PIK3C2G: variants seen among roughly 807,000 people sequenced by gnomAD.
PIK3C2G encodes the protein phosphatidylinositol 3-kinase C2 domain-containing subunit gamma.
Under a neutral mutation model 181.1 loss-of-function variants are expected in PIK3C2G, and 168 were observed. The ratio of observed to expected loss-of-function variants is 0.93; its 90% CI spans 0.82 to 1.05. The LOEUF is 1.05. Among genes scored for constraint, PIK3C2G ranks in the 50% least tolerant of loss-of-function variants. The pLI is 0.00. For synonymous variants in PIK3C2G, 573 were observed against 592.2 expected, an observed-to-expected ratio of 0.97 and a Z score of 0.47; for missense variants, 1,869 against 1,732.8, an observed-to-expected ratio of 1.08 and a Z score of -1.40.
intron 14 of PIK3C2G, among the ~76,000 whole-genome samples, chr12:18,386,004 C>T (rs1008856564): frequency 2.0e-5 from 3 of 152,110 alleles, no homozygotes; most frequent in African/African-American, 7.2e-5. Flanking sequence ...CTTCTTGGCA[C>T]TGTCTGTCTC....
intron 15 of PIK3C2G, among the ~76,000 whole-genome samples, chr12:18,392,781 A>T (rs1592142881): frequency 6.6e-6 from 1 of 152,232 alleles, no homozygotes; most frequent in East Asian, 1.9e-4. Flanking sequence ...TTATCACTAT[A>T]TTTCTAATGC....
chr12:18,717,648 C>A, the PIK3C2G span, among the ~76,000 whole-genome samples: 1 of 152,100 alleles, frequency 6.6e-6, no homozygotes, highest in Non-Finnish European at 1.5e-5. Context: ...GCCTCAAACC[C>A]TACAATGGGC....
At chr12:18,620,847 T>G (rs899826628) in intron 31 of PIK3C2G, among the ~76,000 whole-genome samples, 23 of 152,104 alleles carry the variant, frequency 1.5e-4, no homozygotes, top group African/African-American at 5.1e-4. Flanking sequence ...TATTGACACA[T>G]TCATTCTCAG....
chr12:18,273,109 C>T (rs1001522929), intron 1 of PIK3C2G, among the ~76,000 whole-genome samples: 5 of 151,880 alleles, frequency 3.3e-5, no homozygotes, highest in African/African-American at 1.2e-4. Context: ...TTTTAAAATC[C>T]AGCATTACAC....
At chr12:18,576,601 A>C (rs548947358) in intron 29 of PIK3C2G, among the ~76,000 whole-genome samples, 1 of 152,356 alleles carries the variant, frequency 6.6e-6, no homozygotes, top group Non-Finnish European at 1.5e-5. Flanking sequence ...AAACAATAGG[A>C]AAGCAAGATA....
At chr12:18,366,984 G>T (rs1246933411) in intron 12 of PIK3C2G, among the ~76,000 whole-genome samples, 1 of 152,112 alleles carries the variant, frequency 6.6e-6, no homozygotes, top group Non-Finnish European at 1.5e-5. Context: ...TGACAGAATG[G>T]AGATTGGCAG....
At chr12:18,484,028 G>A (rs1326515054) in intron 18 of PIK3C2G, among the ~76,000 whole-genome samples, 2 of 152,080 alleles carry the variant, frequency 1.3e-5, no homozygotes, top group African/African-American at 4.8e-5. Context: ...CAAACCGGAG[G>A]CCAAACCAAA....
intron 21 of PIK3C2G, among the ~76,000 whole-genome samples, chr12:18,497,010 C>T (rs964280810): frequency 6.6e-6 from 1 of 152,106 alleles, no homozygotes; most frequent in African/African-American, 2.4e-5. Flanking sequence ...ACTATCCTTC[C>T]CCTTTGGACA....
chr12:18,499,065 T>C (rs888229963), intron 22 of PIK3C2G, among the ~76,000 whole-genome samples: 2 of 152,210 alleles, frequency 1.3e-5, no homozygotes, highest in Non-Finnish European at 2.9e-5. Context: ...AATTTTTAAA[T>C]TTCATCTCAT....
At chr12:18,462,570 AGCATGGATGAC>A (rs1947976827) in intron 18 of PIK3C2G, among the ~76,000 whole-genome samples, 1 of 152,150 alleles carries the variant, frequency 6.6e-6, no homozygotes, top group Non-Finnish European at 1.5e-5. Context: ...TAACTCAAAA[AGCATGGATGAC>A]TCTGAAATCT....
At chr12:18,358,899 C>T (rs1940987416) in intron 11 of PIK3C2G, 1 of 168,564 alleles carries the variant, frequency 5.9e-6, no homozygotes, top group South Asian at 1.5e-4. Flanking sequence ...CTTCCTCATT[C>T]TATAAATGTT....
the PIK3C2G span, chr12:18,693,318 C>G: frequency 1.8e-5 from 28 of 1,545,912 alleles, no homozygotes; most frequent in South Asian, 3.0e-4. Flanking sequence ...AAAGGCCCCC[C>G]AAGAGACCTA....
intron 31 of PIK3C2G, among the ~76,000 whole-genome samples, chr12:18,628,203 G>A (rs1191550001): frequency 6.6e-6 from 1 of 152,038 alleles, no homozygotes; most frequent in Non-Finnish European, 1.5e-5. Context: ...TTTAAATATA[G>A]TAAATAGTCA....
At chr12:18,485,829 G>A (rs936105848) in intron 18 of PIK3C2G, among the ~76,000 whole-genome samples, 8 of 152,036 alleles carry the variant, frequency 5.3e-5, no homozygotes, top group South Asian at 2.1e-4. Flanking sequence ...CCCAGGTTAC[G>A]GCATCTTTTG....
chr12:18,596,469 C>T (rs1947368244), intron 30 of PIK3C2G, among the ~76,000 whole-genome samples: 2 of 151,910 alleles, frequency 1.3e-5, no homozygotes, highest in Admixed American at 1.3e-4. Flanking sequence ...GCCCACATAC[C>T]AAATAATACC....
At chr12:18,702,794 A>G in the PIK3C2G span, among the ~76,000 whole-genome samples, 1 of 150,328 alleles carries the variant, frequency 6.7e-6, no homozygotes, top group South Asian at 2.1e-4. Flanking sequence ...ACACACAAGG[A>G]CTGAATATTG....
chr12:18,601,839 C>A (rs758826001), intron 30 of PIK3C2G, among the ~76,000 whole-genome samples: 1 of 152,088 alleles, frequency 6.6e-6, no homozygotes, highest in South Asian at 2.1e-4. Flanking sequence ...CATTAGAGAG[C>A]CGGGCTTAGG....
chr12:18,447,934 C>A (rs1269856978), intron 18 of PIK3C2G, among the ~76,000 whole-genome samples: 2 of 152,060 alleles, frequency 1.3e-5, no homozygotes, highest in Non-Finnish European at 1.5e-5. Flanking sequence ...AACATTAATG[C>A]AGATTATGGG....
intron 1 of PIK3C2G, among the ~76,000 whole-genome samples, chr12:18,255,295 G>A (rs1408396109): frequency 6.6e-6 from 1 of 151,646 alleles, no homozygotes; most frequent in East Asian, 1.9e-4. Context: ...AAAAGAAATA[G>A]TTTGAGTCTA....
Sources: gnomAD v4.1 joint callset for allele counts (sites outside exome capture counted in the v4.1 genomes callset) on GRCh38, gnomAD v4.1.1 for gene constraint, MANE v1.5 for transcripts, NCBI Gene and HGNC (gene_info 2026-07-23, HGNC 2026-07-21) for gene names.